The following IHO1 variants were observed in gnomAD, a reference collection of about 807,000 sequenced individuals.
IHO1 encodes the protein interactor of HORMAD1 1.
IHO1 carries 13 observed loss-of-function variants against 31.0 expected under a neutral mutation model. The ratio of observed to expected loss-of-function variants is 0.42; its 90% CI spans 0.27 to 0.67. The LOEUF (loss-of-function observed/expected upper bound fraction) is 0.67. Ranked by LOEUF, IHO1 falls within the 30% of genes least tolerant of loss-of-function variation. The probability of loss-of-function intolerance (pLI) is 0.24; values close to 1 mark genes in which losing one functional copy is unlikely to be tolerated. For synonymous variants in IHO1, 221 were observed against 248.4 expected (o/e 0.89, Z 1.04); for missense variants, 599 against 687.5 (o/e 0.87, Z 1.44).
At chr3:49,243,977 TG>T in intron 4 of IHO1, among the ~76,000 whole-genome samples, 1 of 150,350 alleles carries the variant, frequency 6.7e-6, no homozygotes, top group East Asian at 2.0e-4. Context: ...TATTTTGAGG[TG>T]GAGTCTCGCT....
At chr3:49,215,445 G>A (rs2046276720) in intron 2 of IHO1, among the ~76,000 whole-genome samples, 1 of 152,174 alleles carries the variant, frequency 6.6e-6, no homozygotes, top group South Asian at 2.1e-4. Context: ...TTTGGCCCAA[G>A]AGGAAAATCA....
chr3:49,227,440 G>A (rs2046430467), intron 2 of IHO1, among the ~76,000 whole-genome samples: 1 of 152,084 alleles, frequency 6.6e-6, no homozygotes, highest in Admixed American at 6.6e-5. Context: ...AACCCCCAAT[G>A]GTCCCTGGAC....
At chr3:49,200,483 G>GAAAGAAAGAAAGAAAGA in intron 1 of IHO1, 1 of 496,950 alleles carries the variant, frequency 2.0e-6, no homozygotes, top group East Asian at 1.7e-4. Context: ...AAAAAAGAAA[G>GAAAGAAAGAAAGAAAGA]AAAGAAAGAA....
At chr3:49,223,540 A>T (rs2046380384) in intron 2 of IHO1, among the ~76,000 whole-genome samples, 1 of 152,118 alleles carries the variant, frequency 6.6e-6, no homozygotes, top group African/African-American at 2.4e-5. Context: ...AAATAAAAAA[A>T]ATTAGCTGGG....
At chr3:49,217,478 C>G (rs1470326875) in intron 2 of IHO1, among the ~76,000 whole-genome samples, 9 of 72,708 alleles carry the variant, frequency 1.2e-4, no homozygotes, top group African/African-American at 4.9e-4. Context: ...ACACACCAGG[C>G]TGGTTGGGGG....
At chr3:49,192,469 A>G in the IHO1 span, among the ~76,000 whole-genome samples, 1 of 152,162 alleles carries the variant, frequency 6.6e-6, no homozygotes, top group Non-Finnish European at 1.5e-5. Flanking sequence ...GAAATTGACA[A>G]TCAGCCTCTA....
At chr3:49,242,257 A>G (rs751569169) in intron 4 of IHO1, among the ~76,000 whole-genome samples, 13 of 151,840 alleles carry the variant, frequency 8.6e-5, no homozygotes, top group Non-Finnish European at 1.9e-4. Context: ...TTAGCTTCCC[A>G]AGTAGCTTCG....
At chr3:49,242,243 C>T (rs2046640885) in intron 4 of IHO1, among the ~76,000 whole-genome samples, 1 of 152,056 alleles carries the variant, frequency 6.6e-6, no homozygotes, top group Non-Finnish European at 1.5e-5. Context: ...GCAGTCTTCC[C>T]ACCTTAGCTT....
chr3:49,211,631 A>T (rs1296309844), intron 1 of IHO1, 135 bp from the exon 2 acceptor site: 4 of 384,712 alleles, frequency 1.0e-5, no homozygotes, highest in Non-Finnish European at 1.9e-5. Context: ...CTCAAAAAAA[A>T]AAAACAGAAA....
upstream of IHO1, among the ~76,000 whole-genome samples, chr3:49,197,067 G>A (rs1326540427): frequency 7.2e-5 from 10 of 139,172 alleles, no homozygotes; most frequent in Non-Finnish European, 1.5e-4. Context: ...TGCAACCTCC[G>A]CCTCCCAGGT....
intron 2 of IHO1, chr3:49,228,454 C>T (rs2046441351): frequency 2.8e-6 from 1 of 355,532 alleles, no homozygotes; most frequent in South Asian, 2.1e-5. Flanking sequence ...CCCCTGAATT[C>T]TAAGGAAAAA....
chr3:49,221,378 G>A (rs1215622276), intron 2 of IHO1, among the ~76,000 whole-genome samples: 1 of 151,410 alleles, frequency 6.6e-6, no homozygotes, highest in Non-Finnish European at 1.5e-5. Context: ...TTTTTACAGA[G>A]TGCTGATGGT....
At chr3:49,212,764 G>C (rs542704058) in intron 2 of IHO1, among the ~76,000 whole-genome samples, 2 of 152,086 alleles carry the variant, frequency 1.3e-5, no homozygotes, top group Non-Finnish European at 2.9e-5. Context: ...AGACCTTTGC[G>C]GTGAGTGTTA....
At chr3:49,238,311 T>G (rs1309553802) in intron 3 of IHO1, among the ~76,000 whole-genome samples, 1 of 152,022 alleles carries the variant, frequency 6.6e-6, no homozygotes, top group Non-Finnish European at 1.5e-5. Flanking sequence ...GTTTTGTTTT[T>G]GAGACAGAGT....
At chr3:49,208,692 G>A (rs1348941493) in intron 1 of IHO1, among the ~76,000 whole-genome samples, 3 of 152,134 alleles carry the variant, frequency 2.0e-5, no homozygotes, top group Non-Finnish European at 2.9e-5. Context: ...TCACCTCTAT[G>A]TGTTTTTTTT....
At chr3:49,246,543 G>A (rs1234612633) in intron 6 of IHO1, among the ~76,000 whole-genome samples, 2 of 152,044 alleles carry the variant, frequency 1.3e-5, no homozygotes, top group Non-Finnish European at 2.9e-5. Context: ...AGCTACTTGG[G>A]AGGCTGAGGC....
intron 6 of IHO1, among the ~76,000 whole-genome samples, chr3:49,254,230 A>G (rs1165757915): frequency 2.0e-5 from 3 of 152,190 alleles, no homozygotes. Context: ...GCATCTTCAT[A>G]TGACCTGTAG....
chr3:49,203,061 T>C (rs1301050144), intron 1 of IHO1, among the ~76,000 whole-genome samples: 1 of 151,910 alleles, frequency 6.6e-6, no homozygotes, highest in Non-Finnish European at 1.5e-5. Context: ...GAGATGGGGT[T>C]TCACCATGTT....
chr3:49,206,144 T>G (rs2046133690), intron 1 of IHO1, among the ~76,000 whole-genome samples: 2 of 152,264 alleles, frequency 1.3e-5, no homozygotes, highest in Admixed American at 1.3e-4. Flanking sequence ...TTTTGTATTT[T>G]TAGTAGAGAC....
Sources: allele counts gnomAD v4.1 joint callset (sites outside exome capture counted in the v4.1 genomes callset), GRCh38; gene constraint gnomAD v4.1.1; transcripts MANE v1.5; gene names NCBI Gene and HGNC (gene_info 2026-07-23, HGNC 2026-07-21).